The following TMEM128 variants were observed in gnomAD, a reference collection of about 807,000 sequenced individuals.
TMEM128 encodes the protein transmembrane protein 128.
Under a neutral mutation model 19.7 loss-of-function variants are expected in TMEM128, and 16 were observed. That is an observed-to-expected ratio of 0.81 (90% confidence interval 0.55 to 1.23). The LOEUF is 1.23. Ranked by LOEUF, TMEM128 falls within the 50% of genes most tolerant of loss-of-function variation. The pLI, the probability that TMEM128 is intolerant of heterozygous loss-of-function variation, is 0.00. For synonymous variants in TMEM128, 98 were observed against 75.8 expected (o/e 1.29, Z -1.52); for missense variants, 237 against 200.8 (o/e 1.18, Z -1.09).
At chr4:4,238,556 C>T (rs1452989728) in intron 3 of TMEM128, among the ~76,000 whole-genome samples, 1 of 152,058 alleles carries the variant, frequency 6.6e-6, no homozygotes, top group Non-Finnish European at 1.5e-5. Flanking sequence ...ATCACACTGT[C>T]TAAAAAATTA....
At chr4:4,240,046 T>C (rs1409573830) in intron 3 of TMEM128, among the ~76,000 whole-genome samples, 1 of 152,178 alleles carries the variant, frequency 6.6e-6, no homozygotes, top group East Asian at 1.9e-4. Context: ...TTTTTTTCAC[T>C]TTTCTATATG....
At chr4:4,245,963 C>A (rs1718152925) in intron 2 of TMEM128, among the ~76,000 whole-genome samples, 1 of 152,094 alleles carries the variant, frequency 6.6e-6, no homozygotes, top group South Asian at 2.1e-4. Context: ...TACAATACAG[C>A]CTTATTAACT....
At chr4:4,245,557 GTTC>G (rs1480082347) in intron 2 of TMEM128, among the ~76,000 whole-genome samples, 2 of 151,972 alleles carry the variant, frequency 1.3e-5, no homozygotes, top group Admixed American at 6.6e-5. Context: ...AATGGATTAG[GTTC>G]TTCTTAAATT....
chr4:4,240,368 T>A lies in TMEM128; in HGVS notation c.351A>T (p.Pro117=). 2 of 1,614,206 alleles carry A rather than the reference T, an allele frequency of 1.2e-6. No homozygotes were observed. ...CGIGEYDVKY[P]ALIPITTASF... ...AGGCAGTGGTAATGGGTATCAAGGC[T>A]GGATACTTGACATCATATTCTCCAA... The change falls in exon 3 of 5, where the codon CCA becomes CCT. Residue 117 remains proline, a synonymous_variant. Transcript: ENST00000382753.
intron 2 of TMEM128, among the ~76,000 whole-genome samples, chr4:4,244,279 C>T (rs1253320512): frequency 6.6e-6 from 1 of 151,962 alleles, no homozygotes; most frequent in African/African-American, 2.4e-5. Context: ...AGTTTGAGAC[C>T]AGCCTGGGCA....
rs1718247888 is a variant in TMEM128, at chr4:4,247,746, C to A, written c.97+360G>T. 7 of 1,557,254 alleles carry A rather than the reference C, an allele frequency of 4.5e-6. No homozygotes were observed. The South Asian group carries it at 8.2e-5, about 18-fold the overall frequency. ...AACAGCTTTCTGCTGACGGGCAAGG[C>A]AGATATTTCCAGTAATTCGCTATTA... On this transcript the variant is annotated intron_variant, in intron 1 of 4. Coordinates refer to ENST00000382753, the MANE Select transcript of TMEM128 (RefSeq NM_001297551.2).
chr4:4,238,616 T>C (rs867900211), intron 3 of TMEM128, among the ~76,000 whole-genome samples: 68 of 152,178 alleles, frequency 4.5e-4, no homozygotes, highest in African/African-American at 1.5e-3. Flanking sequence ...AAACAACGTA[T>C]CTGCATGCCC....
At chr4:4,245,328 C>T (rs1718123222) in intron 2 of TMEM128, among the ~76,000 whole-genome samples, 2 of 152,172 alleles carry the variant, frequency 1.3e-5, no homozygotes, top group Non-Finnish European at 2.9e-5. Flanking sequence ...AACTACTGGA[C>T]ATCTGGTCTG....
intron 1 of TMEM128, 103 bp from the exon 2 acceptor site, chr4:4,246,446 T>C (rs769740020): frequency 1.5e-5 from 18 of 1,178,660 alleles, no homozygotes; most frequent in African/African-American, 4.6e-5. Context: ...AGAAACAGTC[T>C]CTCCCATGAT....
Position 4,248,117 on chromosome 4 carries a change from T to C in TMEM128, c.86A>G (p.Asp29Gly), listed in dbSNP as rs1174536807. Residue 29 changes from aspartate to glycine, a missense_variant, in exon 1 of 5, where the codon GAC (aspartate) becomes GGC (glycine). Coordinates refer to ENST00000382753, the MANE Select transcript of TMEM128 (RefSeq NM_001297551.2). ...GGTGCGCGCCTCACCCGGCCCGGCGTCACCCTCGCGGTCCAGCTGGGCCTC... is the reference window on the plus strand; with the variant it reads ...GGTGCGCGCCTCACCCGGCCCGGCGCCACCCTCGCGGTCCAGCTGGGCCTC... ...DAEAQLDREG[D>G]AGPETSTAVE... is the part of the protein sequence containing the mutation. The C allele has an allele frequency of 1.3e-6, 2 of 1,536,192 alleles. No individual in the cohort carries two copies. Among genetic ancestry groups the C allele is most frequent in the African/African-American group, 1.4e-5 (1 of 72,236 alleles).
Position 4,240,465 on chromosome 4 carries a change from C to A in TMEM128, c.254G>T (p.Gly85Val), listed in dbSNP as rs1717908675. ...TAAACTGACAAGCAACAAGGCACTG[C>A]CACAGAGAAACCAGCTGTGGAGATA... ...NFHTSSWFLCGSALLLVSLSI... is the reference protein window; with the variant it reads ...NFHTSSWFLCVSALLLVSLSI... The change falls in exon 3 of 5, where the codon GGC (glycine) becomes GTC (valine). Residue 85 changes from glycine to valine, a missense_variant. By Grantham distance (109) the Gly-to-Val change is moderately radical. Coordinates refer to ENST00000382753, the MANE Select transcript of TMEM128 (RefSeq NM_001297551.2). The A allele has an allele frequency of 6.2e-7, 1 of 1,613,154 alleles. No homozygotes were observed. Among genetic ancestry groups the A allele is most frequent in the Non-Finnish European group, 8.5e-7 (1 of 1,179,402 alleles).
chr4:4,246,174 A>C, intron 2 of TMEM128, 28 bp downstream of exon 2: 1 of 1,574,926 alleles, frequency 6.3e-7, no homozygotes, highest in Admixed American at 2.0e-5. Flanking sequence ...ACTTGGGTTT[A>C]ATTTACAAAG....
intron 1 of TMEM128, 46 bp from the exon 2 acceptor site, chr4:4,246,389 C>T (rs549693828): frequency 2.0e-5 from 31 of 1,563,542 alleles, no homozygotes; most frequent in Admixed American, 1.2e-4. Context: ...CACAATTTTG[C>T]GAGGAAAAAT....
Position 4,246,288 on chromosome 4 carries a change from A to G in TMEM128, c.153T>C (p.His51=). The stretch of plus-strand genomic sequence containing the variant: ...TGGATGCCAAAATCCAGAATCCAGA[A>G]TGGATATTAAGTCTTGGAAGAGGTT... The part of the protein sequence containing the change: ...KEKPLPRLNI[H]SGFWILASIV... Residue 51 remains histidine (H), a synonymous_variant, in exon 2 of 5, where the codon CAT becomes CAC. Transcript: ENST00000382753. 6.2e-7 allele frequency: 1 copy of G among 1,613,260 alleles called. No homozygotes were observed. The highest frequency in any genetic ancestry group is 8.5e-7 in the Non-Finnish European group (1 of 1,179,638).
At position 4,248,210 on chromosome 4, in the gene TMEM128, C is replaced by A. The variant is rs1357229455; in HGVS notation, c.-8G>T. ...GGCCCGCGAGGAGTCCATCTTGGTA[C>A]CGCCCCGAAATGCGACGGAAGTGAC... is the stretch of plus-strand genomic sequence containing the variant. On this transcript the variant is annotated 5_prime_UTR_variant, in exon 1 of 5. Transcript: ENST00000382753. 29 of 1,498,530 alleles carry A rather than the reference C, an allele frequency of 1.9e-5. No individual in the cohort carries two copies. In the African/African-American group the frequency reaches 4.1e-4, roughly 21 times the overall value. 92.8% of individuals were successfully genotyped at this position (1,498,530 alleles called of 1,614,324 possible).
chr4:4,246,146 T>C (rs1577199433), intron 2 of TMEM128, 56 bp downstream of exon 2: 2 of 1,544,524 alleles, frequency 1.3e-6, no homozygotes, highest in African/African-American at 2.8e-5. Context: ...ACTAACAAAA[T>C]ATAACACGAA....
At chr4:4,237,714 A>T (rs1208182457) in intron 4 of TMEM128, 113 bp downstream of exon 4, 1 of 644,048 alleles carries the variant, frequency 1.6e-6, no homozygotes, top group Admixed American at 2.4e-5. Context: ...TGGTGTAAAC[A>T]TGACTGAAAA....
chr4:4,239,034 C>T (rs1440523740), intron 3 of TMEM128, among the ~76,000 whole-genome samples: 1 of 151,884 alleles, frequency 6.6e-6, no homozygotes, highest in African/African-American at 2.4e-5. Context: ...GAGACCCTAT[C>T]TCCAAAAAGA....
At chr4:4,237,210 T>A in intron 4 of TMEM128, 2 of 400,058 alleles carry the variant, frequency 5.0e-6, no homozygotes, top group Non-Finnish European at 1.0e-5. Context: ...AAATTGTTCA[T>A]TCTTCCTGTA....
Sources: allele counts gnomAD v4.1 joint callset (sites outside exome capture counted in the v4.1 genomes callset), GRCh38; gene constraint gnomAD v4.1.1; transcripts MANE v1.5; gene names NCBI Gene and HGNC (gene_info 2026-07-23, HGNC 2026-07-21).